SLC28A2: variants seen among roughly 807,000 people sequenced by gnomAD.
The protein encoded by SLC28A2 is solute carrier family 28 member 2, also known as sodium/nucleoside cotransporter 2.
A neutral mutation model predicts 72.9 loss-of-function variants in SLC28A2; 69 were observed. That is an observed-to-expected ratio of 0.95 (90% confidence interval 0.78 to 1.16). The LOEUF is 1.16. Ranked by LOEUF, SLC28A2 falls within the 50% of genes most tolerant of loss-of-function variation. SLC28A2 has a pLI of 0.00. For missense variants in SLC28A2, 745 were observed against 791.1 expected, an observed-to-expected ratio of 0.94 and a Z score of 0.70; for synonymous variants, 296 against 294.1, an observed-to-expected ratio of 1.01 and a Z score of -0.07.
At chr15:45,253,325 G>C (rs1342942651) in intron 2 of SLC28A2, 29 bp downstream of exon 2, 1 of 1,589,984 alleles carries the variant, frequency 6.3e-7, no homozygotes. Context: ...TCTCTCTGCA[G>C]AGCTGTGGGC....
intron 3 of SLC28A2, among the ~76,000 whole-genome samples, chr15:45,257,376 C>T (rs1900008274): frequency 6.6e-6 from 1 of 152,114 alleles, no homozygotes; most frequent in Non-Finnish European, 1.5e-5. Context: ...ATATTATATC[C>T]CCTATACTGG....
intron 17 of SLC28A2, 75 bp downstream of exon 17, chr15:45,272,859 T>C (rs891359283): frequency 1.8e-5 from 14 of 791,778 alleles, no homozygotes; most frequent in Admixed American, 3.8e-5. Flanking sequence ...TGAGGTTGCA[T>C]AGAGTGTATA....
chr15:45,263,337 T>G, intron 5 of SLC28A2, 93 bp downstream of exon 5: 5 of 1,245,868 alleles, frequency 4.0e-6, no homozygotes, highest in Non-Finnish European at 5.5e-6. Flanking sequence ...CTCTCAGACC[T>G]GCACATAGGC....
Position 45,272,271 on chromosome 15 carries a change from GTTATT to G in SLC28A2, c.1649-13_1649-9del, listed in dbSNP as rs746850345. 4 of 1,603,284 alleles carry G rather than the reference GTTATT, an allele frequency of 2.5e-6. No homozygotes were observed. The highest frequency in any genetic ancestry group is 3.4e-6 in the Non-Finnish European group (4 of 1,172,822). On this transcript the variant is annotated intron_variant, in intron 15 of 17. Transcript: ENST00000347644. Reference sequence around the variant, plus strand: ...ATTGCCTTGGTGGGGAAAAGCTGAAGTTATTTTATTTTATTGTCTGCAGCATCAAT... The same window carrying G: ...ATTGCCTTGGTGGGGAAAAGCTGAAGTTATTTTATTGTCTGCAGCATCAAT...
chr15:45,263,114 G>T lies in SLC28A2; in HGVS notation c.316G>T (p.Ala106Ser). ...ACILNFQRAL[A>S]LFVITCLVIF... ...CATCTTGAATTTCCAGAGGGCACTG[G>T]CCTTGTTTGTCATCACCTGCTTGGT... Residue 106 changes from alanine to serine, a missense_variant, in exon 5 of 18, where the codon GCC becomes TCC. Coordinates refer to ENST00000347644, the MANE Select transcript of SLC28A2 (RefSeq NM_004212.4). 6 of 1,613,964 alleles carry T rather than the reference G, an allele frequency of 3.7e-6. No individual in the cohort carries two copies. Among genetic ancestry groups the T allele is most frequent in the Non-Finnish European group, 5.1e-6 (6 of 1,179,908 alleles).
chr15:45,275,657 C>T lies in SLC28A2; in HGVS notation c.*144C>T, dbSNP rs113919031. 1,631 of 656,662 alleles carry T rather than the reference C, an allele frequency of 2.5e-3. 9 individuals carry two copies. Among genetic ancestry groups the T allele is most frequent in the Admixed American group, 5.3e-3 (212 of 40,006 alleles). The allele number at this position is 656,662 out of a possible 1,614,324, so 40.7% of individuals were successfully genotyped here. A position where few individuals can be genotyped will look rare whatever the true frequency, so the allele number is the denominator to read the frequency against. ...TAAATGTAAAAGATTCATTTTGGGCCGGGCTCAGTGGCTCATGCCTGTAAT... is the reference window on the plus strand; with the variant it reads ...TAAATGTAAAAGATTCATTTTGGGCTGGGCTCAGTGGCTCATGCCTGTAAT... On this transcript the variant is annotated 3_prime_UTR_variant, in exon 18 of 18. Transcript: ENST00000347644.
At chr15:45,262,647 A>G (rs955814232) in intron 4 of SLC28A2, among the ~76,000 whole-genome samples, 3 of 152,182 alleles carry the variant, frequency 2.0e-5, no homozygotes, top group Non-Finnish European at 1.5e-5. Context: ...TCCCAGTGGT[A>G]GCTTTGTTTA....
chr15:45,275,896 CTGCACTCCAGCCTGGG>C lies in SLC28A2; in HGVS notation c.*386_*401del. ...CTTGCAGCGAGCCAAGATCGCGCCA[CTGCACTCCAGCCTGGG>C]TGACAGAGCGAGACTCTGTCTCAAA... On this transcript the variant is annotated 3_prime_UTR_variant, in exon 18 of 18. Coordinates refer to ENST00000347644, the MANE Select transcript of SLC28A2 (RefSeq NM_004212.4). 1 of 148,048 alleles carries C rather than the reference CTGCACTCCAGCCTGGG, an allele frequency of 6.8e-6. No individual in the cohort carries two copies. The highest frequency in any genetic ancestry group is 2.0e-4 in the East Asian group (1 of 4,948). 9.2% of individuals were successfully genotyped at this position (148,048 alleles called of 1,614,324 possible). A position where few individuals can be genotyped will look rare whatever the true frequency, so the allele number is the denominator to read the frequency against.
At chr15:45,260,495 T>G (rs1302062836) in intron 3 of SLC28A2, among the ~76,000 whole-genome samples, 1 of 152,200 alleles carries the variant, frequency 6.6e-6, no homozygotes, top group African/African-American at 2.4e-5. Flanking sequence ...GCCCTTTTAC[T>G]CACTACTTTC....
At chr15:45,266,759 A>C (rs982614537) in intron 10 of SLC28A2, among the ~76,000 whole-genome samples, 8 of 152,184 alleles carry the variant, frequency 5.3e-5, no homozygotes, top group Non-Finnish European at 1.0e-4. Context: ...GTACTTCTGG[A>C]TACTTTACCA....
At position 45,266,008 on chromosome 15, in the gene SLC28A2, G is replaced by A. The variant is rs138449849; in HGVS notation, c.862-73G>A. On this transcript the variant is annotated intron_variant, in intron 9 of 17. Transcript: ENST00000347644. The stretch of plus-strand genomic sequence containing the variant: ...CAGTTTCCTTATCAGTAAAGTGGAG[G>A]AGGAGGAGTTTTGCGAGATGTTCTC... 104 of 1,086,788 alleles carry A rather than the reference G, an allele frequency of 9.6e-5. No homozygotes were observed. The East Asian group carries it at 2.4e-3, about 25-fold the overall frequency. 67.3% of individuals were successfully genotyped at this position (1,086,788 alleles called of 1,614,324 possible).
chr15:45,272,474 C>T (rs1241655908), intron 16 of SLC28A2, 81 bp downstream of exon 16: 2 of 1,158,416 alleles, frequency 1.7e-6, no homozygotes, highest in Non-Finnish European at 2.6e-6. Flanking sequence ...TAGAATTGTC[C>T]TTGAGTACAG....
intron 10 of SLC28A2, among the ~76,000 whole-genome samples, chr15:45,266,638 T>C (rs1167786397): frequency 6.6e-6 from 1 of 152,242 alleles, no homozygotes; most frequent in Admixed American, 6.5e-5. Context: ...CCATATGTGC[T>C]ACTGACTGAT....
chr15:45,265,765 T>C (rs1276863776), intron 9 of SLC28A2, 102 bp downstream of exon 9: 1 of 845,444 alleles, frequency 1.2e-6, no homozygotes, highest in East Asian at 2.5e-5. Flanking sequence ...TTAGAAACAA[T>C]GGGAAAAGGC....
chr15:45,261,545 A>C (rs9972443), intron 3 of SLC28A2, among the ~76,000 whole-genome samples: 13,844 of 152,118 alleles, frequency 0.091, 2,017 homozygotes, highest in African/African-American at 0.31. Context: ...GCACATCCAG[A>C]GCAATTCTTG....
In SLC28A2 at chr15:45,269,519, A is replaced by T; in HGVS notation, c.1550A>T (p.Glu517Val). The T allele has an allele frequency of 1.2e-6, 2 of 1,613,932 alleles. No homozygotes were observed. The highest frequency in any genetic ancestry group is 2.2e-5 in the South Asian group (2 of 91,074). The change falls in exon 14 of 18, where the codon GAG becomes GTG. Residue 517 changes from glutamate to valine, a missense_variant. Coordinates refer to ENST00000347644, the MANE Select transcript of SLC28A2 (RefSeq NM_004212.4). ...LSGMEEWIEGEKQWISVRAEI... is the reference protein window; with the variant it reads ...LSGMEEWIEGVKQWISVRAEI... ...GGAATGGAGGAGTGGATTGAGGGAG[A>T]GAAACAGTGGATTTCTGTAAGTGAC...
Position 45,275,254 on chromosome 15 carries a change from T to C in SLC28A2, c.1860-142T>C, listed in dbSNP as rs766748282. ...GGAATGAATGAGAAAAGAAACATAA[T>C]TGGGTTCTATTTGGTCATGGCTGAT... On this transcript the variant is annotated intron_variant, in intron 17 of 17. Coordinates refer to ENST00000347644, the MANE Select transcript of SLC28A2 (RefSeq NM_004212.4). 7 of 635,798 alleles carry C rather than the reference T, an allele frequency of 1.1e-5. No individual in the cohort carries two copies. The Admixed American group carries it at 1.6e-4, about 14-fold the overall frequency. The allele number at this position is 635,798 out of a possible 1,614,324, so 39.4% of individuals were successfully genotyped here.
At chr15:45,255,722 C>G (rs75386627) in intron 3 of SLC28A2, among the ~76,000 whole-genome samples, 14,062 of 152,204 alleles carry the variant, frequency 0.092, 759 homozygotes, top group Middle Eastern at 0.24. Flanking sequence ...CATACACATA[C>G]AGCAGACATG....
intron 7 of SLC28A2, 108 bp from the exon 8 acceptor site, chr15:45,264,981 C>T: frequency 1.1e-6 from 1 of 917,602 alleles, no homozygotes; most frequent in Non-Finnish European, 1.8e-6. Flanking sequence ...GGAGGCCAAC[C>T]TCAGTAGCAA....
Sources: allele counts gnomAD v4.1 joint callset (sites outside exome capture counted in the v4.1 genomes callset), GRCh38; gene constraint gnomAD v4.1.1; transcripts MANE v1.5; gene names NCBI Gene and HGNC (gene_info 2026-07-23, HGNC 2026-07-21).